The following GRIA1 variants were observed in gnomAD, a reference collection of about 807,000 sequenced individuals.
GRIA1 encodes glutamate receptor 1.
GRIA1 carries 31 observed loss-of-function variants against 99.2 expected under a neutral mutation model. That is an observed-to-expected ratio of 0.31 (90% CI 0.23 to 0.42). The LOEUF is 0.42. GRIA1 is among the 10% of genes least tolerant of loss of function. The pLI, the probability that GRIA1 is intolerant of heterozygous loss-of-function variation, is 1.00. For synonymous variants in GRIA1, 438 were observed against 432.4 expected, an observed-to-expected ratio of 1.01 and a Z score of -0.16; for missense variants, 782 against 1,157.5, an observed-to-expected ratio of 0.68 and a Z score of 4.71.
chr5:153,655,531 C>G (rs977009826), intron 4 of GRIA1, among the ~76,000 whole-genome samples: 2 of 152,314 alleles, frequency 1.3e-5, no homozygotes, highest in Middle Eastern at 6.8e-3. Context: ...TAACACCACT[C>G]TACCCTTGGA....
rs1265233725 is a variant in GRIA1 at position 153,650,438 on chromosome 5, A to G, written c.569A>G (p.Gln190Arg). The change falls in exon 4 of 16, where the codon CAG becomes CGG. Residue 190 changes from glutamine to arginine, a missense_variant. Gln to Arg is a conservative substitution (Grantham distance 43). Coordinates refer to ENST00000285900, the MANE Select transcript of GRIA1 (RefSeq NM_000827.4). Reference protein sequence around the residue: ...TTEEGYRMLFQDLEKKKERLV... With the variant: ...TTEEGYRMLFRDLEKKKERLV... ...GAGGAGGGATACCGGATGCTCTTTCAGGACCTGGAGAAGAAAAAGGAGCGG... is the reference window on the plus strand; with the variant it reads ...GAGGAGGGATACCGGATGCTCTTTCGGGACCTGGAGAAGAAAAAGGAGCGG... 1.9e-6 allele frequency: 3 copies of G among 1,614,050 alleles called. No individual in the cohort carries two copies. Among genetic ancestry groups the G allele is most frequent in the Non-Finnish European group, 2.5e-6 (3 of 1,179,946 alleles).
intron 1 of GRIA1, chr5:153,492,427 A>G: frequency 2.0e-6 from 2 of 978,208 alleles, no homozygotes; most frequent in Non-Finnish European, 2.8e-6. Flanking sequence ...TTTCTCTTTC[A>G]TTCATTGCAG....
At chr5:153,735,685 G>T (rs1346499350) in intron 11 of GRIA1, among the ~76,000 whole-genome samples, 3 of 152,094 alleles carry the variant, frequency 2.0e-5, no homozygotes, top group Non-Finnish European at 4.4e-5. Context: ...TATGAATTTG[G>T]ATGGGGTGAC....
chr5:153,686,200 C>G, intron 7 of GRIA1, 25 bp from the exon 8 acceptor site: 1 of 1,533,780 alleles, frequency 6.5e-7, no homozygotes, highest in Non-Finnish European at 9.0e-7. Context: ...GAGTTCACTG[C>G]CCACCACTTG....
intron 7 of GRIA1, among the ~76,000 whole-genome samples, chr5:153,685,775 G>C (rs554892426): frequency 3.9e-5 from 6 of 152,276 alleles, no homozygotes; most frequent in African/African-American, 1.4e-4. Context: ...ATAGCTTAAG[G>C]CTTCATTCAT....
At chr5:153,727,234 C>G (rs1027413477) in intron 11 of GRIA1, among the ~76,000 whole-genome samples, 1 of 152,080 alleles carries the variant, frequency 6.6e-6, no homozygotes, top group African/African-American at 2.4e-5. Context: ...TGGGACGTAT[C>G]TCAAAATAAT....
chr5:153,748,886 A>C (rs1278727789), intron 11 of GRIA1, among the ~76,000 whole-genome samples: 2 of 152,212 alleles, frequency 1.3e-5, no homozygotes, highest in Non-Finnish European at 2.9e-5. Context: ...CCAAGTAGGC[A>C]GTTAAATATA....
Position 153,612,554 on chromosome 5 carries a change from T to A in GRIA1, c.221-34374T>A, listed in dbSNP as rs191848152. 3.2e-4 allele frequency among the ~76,000 whole-genome samples: 49 copies of A among 152,344 alleles called. No individual in the cohort carries two copies. The East Asian group carries it at 7.5e-3, about 23-fold the overall frequency. ...ATGCATATTAAGTGCCTGAGATATT[T>A]TGTGAATGTCCAATAAATGGCAACT... On this transcript the variant is annotated intron_variant, in intron 2 of 15. Coordinates refer to ENST00000285900, the MANE Select transcript of GRIA1 (RefSeq NM_000827.4).
intron 8 of GRIA1, among the ~76,000 whole-genome samples, chr5:153,689,133 A>T (rs1330912837): frequency 1.3e-5 from 2 of 151,980 alleles, no homozygotes; most frequent in Non-Finnish European, 2.9e-5. Flanking sequence ...GGCTCAAGTG[A>T]TCCACCCACC....
chr5:153,627,375 T>C (rs1465129913), intron 2 of GRIA1, among the ~76,000 whole-genome samples: 5 of 152,200 alleles, frequency 3.3e-5, no homozygotes, highest in Admixed American at 2.0e-4. Context: ...GAATCTGGCT[T>C]GTCCACCATC....
chr5:153,638,996 C>T (rs1438172106), intron 2 of GRIA1, among the ~76,000 whole-genome samples: 1 of 152,168 alleles, frequency 6.6e-6, no homozygotes, highest in Non-Finnish European at 1.5e-5. Context: ...AGGCCCAGAG[C>T]CTACGGCCGA....
At chr5:153,769,243 G>A (rs1054198879) in intron 12 of GRIA1, among the ~76,000 whole-genome samples, 5 of 152,092 alleles carry the variant, frequency 3.3e-5, no homozygotes, top group African/African-American at 1.2e-4. Flanking sequence ...ATCATCTCTT[G>A]GGGACAATTC....
chr5:153,681,982 C>T (rs1214525859), intron 7 of GRIA1, among the ~76,000 whole-genome samples: 2 of 151,214 alleles, frequency 1.3e-5, no homozygotes, highest in Admixed American at 1.3e-4. Flanking sequence ...TACAGTGAGC[C>T]GAGGTTGTGC....
chr5:153,692,210 A>G (rs917404607), intron 8 of GRIA1, among the ~76,000 whole-genome samples: 1 of 152,150 alleles, frequency 6.6e-6, no homozygotes, highest in African/African-American at 2.4e-5. Context: ...TTGACCAAGC[A>G]CTTTTAAAGT....
At chr5:153,595,619 G>A (rs902765499) in intron 2 of GRIA1, among the ~76,000 whole-genome samples, 4 of 151,338 alleles carry the variant, frequency 2.6e-5, no homozygotes, top group Non-Finnish European at 5.9e-5. Context: ...TGGATTCAAG[G>A]ATATCTATTT....
At chr5:153,593,216 G>A (rs1764130472) in intron 2 of GRIA1, among the ~76,000 whole-genome samples, 1 of 152,124 alleles carries the variant, frequency 6.6e-6, no homozygotes, top group Admixed American at 6.5e-5. Flanking sequence ...GCAGTAAGCT[G>A]ACATCACGCC....
At chr5:153,785,818 A>T (rs1193380584) in intron 13 of GRIA1, among the ~76,000 whole-genome samples, 3 of 152,238 alleles carry the variant, frequency 2.0e-5, no homozygotes, top group Non-Finnish European at 4.4e-5. Flanking sequence ...ATACTTTTCA[A>T]GTAGCAATTA....
chr5:153,514,697 T>G (rs1236725058), intron 2 of GRIA1, among the ~76,000 whole-genome samples: 6 of 152,254 alleles, frequency 3.9e-5, no homozygotes, highest in African/African-American at 1.4e-4. Context: ...ATACAAATTT[T>G]GGGATTTTTT....
rs751699961 is a variant in GRIA1 at position 153,699,098 on chromosome 5, T to G, written c.1452+25T>G. On this transcript the variant is annotated intron_variant, in intron 10 of 15. Transcript: ENST00000285900. ...AGTAAGTTCACTGCAGGGTGGGAAA[T>G]TAGAGGGCGGAGGCAGAGGGTTTGA... 11 of 1,537,012 alleles carry G rather than the reference T, an allele frequency of 7.2e-6. No individual in the cohort carries two copies. In the East Asian group the frequency reaches 1.8e-4, roughly 25 times the overall value.
Sources: allele counts gnomAD v4.1 joint callset (sites outside exome capture counted in the v4.1 genomes callset), GRCh38; gene constraint gnomAD v4.1.1; transcripts MANE v1.5; gene names NCBI Gene and HGNC (gene_info 2026-07-23, HGNC 2026-07-21).